Variants in ANKDD1A observed in about 807,000 individuals in gnomAD.
ANKDD1A encodes the protein ankyrin repeat and death domain-containing protein 1A.
ANKDD1A carries 59 observed loss-of-function variants against 63.5 expected under a neutral mutation model. The observed-to-expected ratio is 0.93, with a 90% CI of 0.75 to 1.15. ANKDD1A has a LOEUF of 1.15. ANKDD1A is among the 50% of genes most tolerant of loss of function. The pLI is 0.00. For missense variants in ANKDD1A, 632 were observed against 656.4 expected, an observed-to-expected ratio of 0.96 and a Z score of 0.41; for synonymous variants, 266 against 263.9, an observed-to-expected ratio of 1.01 and a Z score of -0.08.
Position 64,922,011 on chromosome 15 carries a change from G to C in ANKDD1A, c.358G>C (p.Glu120Gln), listed in dbSNP as rs76626463. Reference sequence around the variant, plus strand: ...AAACTCAGGGGCCAAGATCCACTGTGAGAGCAAGGTAAGGCCTCAGCTGGT... The same window carrying C: ...AAACTCAGGGGCCAAGATCCACTGTCAGAGCAAGGTAAGGCCTCAGCTGGT... ...LVNSGAKIHC[E>Q]SKDGLTLLHC... Residue 120 changes from glutamate to glutamine, a missense_variant, in exon 4 of 15, where the codon GAG becomes CAG. Physicochemically the swap from Glu to Gln is conservative, Grantham distance 29. Transcript: ENST00000319580. The C allele has an allele frequency of 1.3e-3, 2,090 of 1,614,118 alleles. 29 individuals carry two copies. The African/African-American group carries it at 0.024, about 19-fold the overall frequency.
chr15:64,940,991 C>T (rs141085427), intron 9 of ANKDD1A, among the ~76,000 whole-genome samples: 2,573 of 152,298 alleles, frequency 0.017, 40 homozygotes, highest in South Asian at 0.024. Context: ...GGTCCTCCCA[C>T]CTTAGCCTCC....
chr15:64,921,386 T>G (rs1320135983), intron 3 of ANKDD1A, among the ~76,000 whole-genome samples: 1 of 152,168 alleles, frequency 6.6e-6, no homozygotes, highest in Non-Finnish European at 1.5e-5. Flanking sequence ...TTTTGTTTGT[T>G]TGTTTTGAGA....
chr15:64,936,680 A>C (rs951565978), intron 9 of ANKDD1A, among the ~76,000 whole-genome samples: 2 of 152,072 alleles, frequency 1.3e-5, no homozygotes, highest in Admixed American at 6.5e-5. Flanking sequence ...TATCTACAAA[A>C]AATTTAAAAA....
intron 7 of ANKDD1A, 80 bp from the exon 8 acceptor site, chr15:64,931,407 G>T: frequency 7.3e-7 from 1 of 1,369,114 alleles, no homozygotes; most frequent in Non-Finnish European, 1.0e-6. Flanking sequence ...GGCACAAGGG[G>T]CATCCTCTCA....
chr15:64,925,227 CAAA>C (rs769786433), intron 4 of ANKDD1A, among the ~76,000 whole-genome samples: 4 of 42,614 alleles, frequency 9.4e-5, no homozygotes, highest in Non-Finnish European at 2.1e-4. Flanking sequence ...GACTCCGACT[CAAA>C]AAAAAAAAAA....
Position 64,949,913 on chromosome 15 carries a change from A to G in ANKDD1A, c.1424A>G (p.Glu475Gly). Residue 475 changes from glutamate to glycine, a missense_variant, in exon 14 of 15, where the codon GAG (glutamate) becomes GGG (glycine). By Grantham distance (98) the Glu-to-Gly change is moderately conservative. Transcript: ENST00000319580. The part of the protein sequence containing the change: ...IWLHGVATAG[E>G]NPSKALFEGL... ...CTGCATGGCGTGGCCACGGCTGGTGAGAACCCCAGCAAAGCGCTGTTCGAG... is the reference window on the plus strand; with the variant it reads ...CTGCATGGCGTGGCCACGGCTGGTGGGAACCCCAGCAAAGCGCTGTTCGAG... 1 of 1,608,840 alleles carries G rather than the reference A, an allele frequency of 6.2e-7. No homozygotes were observed. Among genetic ancestry groups the G allele is most frequent in the Non-Finnish European group, 8.5e-7 (1 of 1,179,994 alleles).
intron 6 of ANKDD1A, among the ~76,000 whole-genome samples, chr15:64,929,729 T>G (rs1436878704): frequency 6.6e-6 from 1 of 152,198 alleles, no homozygotes; most frequent in Non-Finnish European, 1.5e-5. Flanking sequence ...CTACTGAGTG[T>G]TGGCCATGTA....
rs536794628 is a variant in ANKDD1A at position 64,945,247 on chromosome 15, C to T, written c.1161+500C>T. The stretch of plus-strand genomic sequence containing the variant: ...ATGGAGGTAGGGAGTTTTTTGGTGT[C>T]CTTGGGGCTTGTTTTTATATACAGA... On this transcript the variant is annotated intron_variant, in intron 12 of 14. Transcript: ENST00000319580. Among the ~76,000 whole-genome samples, 40 of 151,980 alleles carry T rather than the reference C, an allele frequency of 2.6e-4. 1 individual carries two copies. Among genetic ancestry groups the T allele is most frequent in the Middle Eastern group, 3.4e-3 (1 of 294 alleles).
chr15:64,929,777 A>G (rs916955244), intron 6 of ANKDD1A, among the ~76,000 whole-genome samples: 1 of 152,206 alleles, frequency 6.6e-6, no homozygotes, highest in Non-Finnish European at 1.5e-5. Flanking sequence ...GAAACTTCAG[A>G]GAACAAAATA....
At chr15:64,942,593 C>T (rs762363974) in intron 10 of ANKDD1A, 28 bp downstream of exon 10, 2 of 1,589,358 alleles carry the variant, frequency 1.3e-6, no homozygotes, top group South Asian at 2.3e-5. Flanking sequence ...CCTTCCGGGC[C>T]CCAGGGAGCT....
chr15:64,925,948 T>C (rs1274452600), intron 4 of ANKDD1A, 118 bp from the exon 5 acceptor site: 1 of 842,860 alleles, frequency 1.2e-6, no homozygotes. Flanking sequence ...ATTTACAGTG[T>C]TGTATCCATG....
intron 9 of ANKDD1A, among the ~76,000 whole-genome samples, chr15:64,941,452 G>A (rs2085184164): frequency 6.6e-6 from 1 of 152,104 alleles, no homozygotes; most frequent in South Asian, 2.1e-4. Flanking sequence ...CATGATGGGA[G>A]GCATCACACG....
Position 64,911,984 on chromosome 15 carries a change from G to A in ANKDD1A, c.34+20G>A. On this transcript the variant is annotated intron_variant, in intron 1 of 14. Coordinates refer to ENST00000319580, the MANE Select transcript of ANKDD1A (RefSeq NM_182703.6). ...ACGGCCGTGAGTCTGCCTGGAGGAGGGAGGGGGGCGGGCCGAGGCCGAGAG... is the reference window on the plus strand; with the variant it reads ...ACGGCCGTGAGTCTGCCTGGAGGAGAGAGGGGGGCGGGCCGAGGCCGAGAG... The A allele has an allele frequency of 2.2e-6, 1 of 458,584 alleles. No homozygotes were observed. The highest frequency in any genetic ancestry group is 3.5e-6 in the Non-Finnish European group (1 of 288,072). The allele number at this position is 458,584 out of a possible 1,614,324, so 28.4% of individuals were successfully genotyped here. A position where few individuals can be genotyped will look rare whatever the true frequency, so the allele number is the denominator to read the frequency against.
intron 4 of ANKDD1A, 132 bp from the exon 5 acceptor site, chr15:64,925,934 C>A (rs541909580): frequency 3.9e-6 from 3 of 760,082 alleles, no homozygotes; most frequent in East Asian, 5.8e-5. Flanking sequence ...CGGGTCCATT[C>A]ATCATTTACA....
At chr15:64,943,757 T>G in intron 11 of ANKDD1A, 175 bp downstream of exon 11, 3 of 627,488 alleles carry the variant, frequency 4.8e-6, no homozygotes, top group South Asian at 1.8e-5. Context: ...TTCCACCACC[T>G]TCCCCTCTCT....
At chr15:64,950,353 TA>T in intron 14 of ANKDD1A, 1 of 985,382 alleles carries the variant, frequency 1.0e-6, no homozygotes, top group Non-Finnish European at 1.2e-6. Context: ...AAAACTGACT[TA>T]ATATGAGTTG....
intron 9 of ANKDD1A, among the ~76,000 whole-genome samples, chr15:64,934,965 C>T (rs1317583026): frequency 6.6e-6 from 1 of 152,080 alleles, no homozygotes; most frequent in African/African-American, 2.4e-5. Context: ...TGGTTCACAC[C>T]TGTAATCTCA....
chr15:64,916,496 T>C (rs1257475445), intron 2 of ANKDD1A, among the ~76,000 whole-genome samples: 2 of 152,014 alleles, frequency 1.3e-5, no homozygotes, highest in African/African-American at 4.8e-5. Context: ...AAGCTAATTT[T>C]TGTATTTCTT....
At chr15:64,948,659 C>T (rs1303510577) in intron 13 of ANKDD1A, among the ~76,000 whole-genome samples, 1 of 152,014 alleles carries the variant, frequency 6.6e-6, no homozygotes, top group Non-Finnish European at 1.5e-5. Context: ...TCCCCCGTCT[C>T]TACTAAAAAT....
Sources: allele counts gnomAD v4.1 joint callset (sites outside exome capture counted in the v4.1 genomes callset), GRCh38; gene constraint gnomAD v4.1.1; transcripts MANE v1.5; gene names NCBI Gene and HGNC (gene_info 2026-07-23, HGNC 2026-07-21).